SEPTIN7: variants seen among roughly 807,000 people sequenced by gnomAD.
The protein encoded by SEPTIN7 is septin 7.
A neutral mutation model predicts 63.3 loss-of-function variants in SEPTIN7; 10 were observed. The observed-to-expected ratio is 0.16, with a 90% CI of 0.10 to 0.27. The LOEUF is 0.27. Among genes scored for constraint, SEPTIN7 ranks in the 10% least tolerant of loss-of-function variants. The probability of loss-of-function intolerance (pLI) is 1.00; values close to 1 mark genes in which losing one functional copy is unlikely to be tolerated. For synonymous variants in SEPTIN7, 131 were observed against 165.3 expected (o/e 0.79, Z 1.59); for missense variants, 310 against 521.0 (o/e 0.59, Z 3.94).
At chr7:35,852,846 G>A (rs1008240369) in intron 3 of SEPTIN7, among the ~76,000 whole-genome samples, 7 of 152,178 alleles carry the variant, frequency 4.6e-5, no homozygotes, top group South Asian at 2.1e-4. Context: ...TGAGGTACTC[G>A]ATTGAGTACT....
intron 6 of SEPTIN7, among the ~76,000 whole-genome samples, chr7:35,877,724 C>T (rs1385089492): frequency 2.0e-5 from 3 of 152,192 alleles, no homozygotes; most frequent in Admixed American, 6.5e-5. Flanking sequence ...ACGAAAATCA[C>T]AGCAGCTTAC....
intron 3 of SEPTIN7, among the ~76,000 whole-genome samples, chr7:35,836,982 A>G (rs182898592): frequency 6.6e-6 from 1 of 152,298 alleles, no homozygotes; most frequent in East Asian, 1.9e-4. Flanking sequence ...ACTAAAAACC[A>G]TTGAATTATA....
intron 3 of SEPTIN7, among the ~76,000 whole-genome samples, chr7:35,854,551 T>C (rs1785106060): frequency 6.6e-6 from 1 of 152,224 alleles, no homozygotes; most frequent in African/African-American, 2.4e-5. Flanking sequence ...AGTGCCAAGA[T>C]TGAGAATTCC....
intron 1 of SEPTIN7, among the ~76,000 whole-genome samples, chr7:35,803,574 G>A (rs766504873): frequency 7.9e-5 from 12 of 152,182 alleles, no homozygotes; most frequent in Admixed American, 1.3e-4. Context: ...GGGAATTGCC[G>A]ATAGAGAATT....
At chr7:35,805,768 T>G (rs756466416) in intron 1 of SEPTIN7, among the ~76,000 whole-genome samples, 138 of 152,366 alleles carry the variant, frequency 9.1e-4, no homozygotes, top group Non-Finnish European at 1.7e-3. Flanking sequence ...CAATGTTTGT[T>G]TGCTTTATGT....
intron 10 of SEPTIN7, chr7:35,890,386 C>CT (rs989027076): frequency 1.1e-5 from 2 of 184,788 alleles, no homozygotes; most frequent in East Asian, 2.7e-4. Context: ...GATGAATACT[C>CT]TTTCATAGAA....
At position 35,885,811 on chromosome 7, in the gene SEPTIN7, C is replaced by T; in HGVS notation, c.821-17C>T. On this transcript the variant is annotated splice_polypyrimidine_tract_variant and intron_variant, in intron 9 of 13. Coordinates refer to ENST00000350320, the MANE Select transcript of SEPTIN7 (RefSeq NM_001788.6). ...TTAGTGGAAATATAACATATGCGGT[C>T]TGCTTTTTTCTTACAGTTGAAAATG... 6.3e-7 allele frequency: 1 copy of T among 1,590,756 alleles called. No individual in the cohort carries two copies.
At chr7:35,840,308 G>C (rs2115964910) in intron 3 of SEPTIN7, among the ~76,000 whole-genome samples, 1 of 146,878 alleles carries the variant, frequency 6.8e-6, no homozygotes, top group African/African-American at 2.5e-5. Context: ...GCCCAAGCTG[G>C]AGCCCAGTGG....
chr7:35,830,330 G>A (rs960781035), intron 1 of SEPTIN7, among the ~76,000 whole-genome samples: 1 of 152,182 alleles, frequency 6.6e-6, no homozygotes, highest in African/African-American at 2.4e-5. Flanking sequence ...CAGGAGATGA[G>A]GCCAGAAGTA....
At chr7:35,893,985 G>C (rs1186459070) in intron 11 of SEPTIN7, among the ~76,000 whole-genome samples, 3 of 152,120 alleles carry the variant, frequency 2.0e-5, no homozygotes, top group Admixed American at 2.0e-4. Flanking sequence ...GTAATGGGTG[G>C]TTGAAAGCCA....
chr7:35,875,652 TAAA>T (rs1272707684), intron 6 of SEPTIN7, among the ~76,000 whole-genome samples: 3 of 152,204 alleles, frequency 2.0e-5, no homozygotes, highest in African/African-American at 7.2e-5. Flanking sequence ...GTTATTAAAA[TAAA>T]AAACTGACTT....
intron 1 of SEPTIN7, among the ~76,000 whole-genome samples, chr7:35,813,201 A>G (rs550410228): frequency 1.2e-4 from 18 of 152,204 alleles, no homozygotes; most frequent in Non-Finnish European, 2.4e-4. Context: ...ACCCGCCTGA[A>G]CACAAATAAG....
chr7:35,822,755 C>T (rs1404893910), intron 1 of SEPTIN7, among the ~76,000 whole-genome samples: 2 of 152,188 alleles, frequency 1.3e-5, no homozygotes, highest in Non-Finnish European at 2.9e-5. Context: ...CAACACTGGT[C>T]TAGATTCTAG....
At chr7:35,901,599 TTA>T (rs1409802775) in intron 12 of SEPTIN7, 1 of 152,130 alleles carries the variant, frequency 6.6e-6, no homozygotes, top group Non-Finnish European at 1.5e-5. Context: ...ACCTGTACCT[TTA>T]TCTACATGCA....
rs149385470 is a variant in SEPTIN7 at position 35,904,020 on chromosome 7, A to AT, written c.1275-227dup. On this transcript the variant is annotated intron_variant, in intron 13 of 13. Transcript: ENST00000350320. ...GTATATTAAAATGGAGTTTTGCCTT[A>AT]TTTTTTTACTGCTTATCCTGGAGTT... Among the ~76,000 whole-genome samples the AT allele has an allele frequency of 2.1e-3, 312 of 152,130 alleles. 2 individuals carry two copies. Among genetic ancestry groups the AT allele is most frequent in the African/African-American group, 7.2e-3 (299 of 41,516 alleles).
intron 6 of SEPTIN7, 174 bp from the exon 7 acceptor site, chr7:35,879,649 C>T: frequency 1.8e-6 from 1 of 551,612 alleles, no homozygotes; most frequent in South Asian, 2.3e-5. Context: ...CTTAGCCACT[C>T]CAATGCTTCT....
chr7:35,862,625 C>G (rs764351092), intron 3 of SEPTIN7, among the ~76,000 whole-genome samples: 2 of 151,980 alleles, frequency 1.3e-5, no homozygotes, highest in Non-Finnish European at 2.9e-5. Flanking sequence ...GCCCAGACCA[C>G]GTGGAAAGGA....
At chr7:35,843,136 C>G (rs1000005122) in intron 3 of SEPTIN7, among the ~76,000 whole-genome samples, 1 of 152,168 alleles carries the variant, frequency 6.6e-6, no homozygotes, top group Non-Finnish European at 1.5e-5. Context: ...CCTTCAGGTT[C>G]TTCCCTTTCT....
intron 1 of SEPTIN7, among the ~76,000 whole-genome samples, chr7:35,803,779 A>G (rs972387229): frequency 1.3e-5 from 2 of 152,230 alleles, no homozygotes; most frequent in Non-Finnish European, 2.9e-5. Context: ...ATTATACAAT[A>G]GAAACTGAAG....
Sources: gnomAD v4.1 joint callset for allele counts (sites outside exome capture counted in the v4.1 genomes callset) on GRCh38, gnomAD v4.1.1 for gene constraint, MANE v1.5 for transcripts, NCBI Gene and HGNC (gene_info 2026-07-23, HGNC 2026-07-21) for gene names.